The following NOS1AP variants were observed in gnomAD, a reference collection of about 807,000 sequenced individuals.
NOS1AP encodes nitric oxide synthase 1 adaptor protein.
Under a neutral mutation model 56.2 loss-of-function variants are expected in NOS1AP, and 21 were observed. That is an observed-to-expected ratio of 0.37 (90% CI 0.26 to 0.54). NOS1AP has a LOEUF of 0.54. NOS1AP is among the 20% of genes least tolerant of loss of function. The pLI, the probability that NOS1AP is intolerant of heterozygous loss-of-function variation, is 0.84. For missense variants in NOS1AP, 522 were observed against 657.8 expected (o/e 0.79, Z 2.26); for synonymous variants, 270 against 274.6 (o/e 0.98, Z 0.17).
chr1:162,366,912 A>G, intron 9 of NOS1AP, 140 bp from the exon 10 acceptor site: 1 of 925,894 alleles, frequency 1.1e-6, no homozygotes. Context: ...TGAAGTGTTA[A>G]GAGACCCAAA....
At chr1:162,132,889 C>T (rs1648813359) in intron 1 of NOS1AP, among the ~76,000 whole-genome samples, 1 of 152,174 alleles carries the variant, frequency 6.6e-6, no homozygotes, top group Non-Finnish European at 1.5e-5. Flanking sequence ...TGAGATTCTC[C>T]ACTTTGCCTG....
intron 2 of NOS1AP, among the ~76,000 whole-genome samples, chr1:162,258,934 C>A (rs1654119872): frequency 6.6e-6 from 1 of 152,116 alleles, no homozygotes; most frequent in Non-Finnish European, 1.5e-5. Context: ...CTGGTTGGTT[C>A]CATTAGGACC....
intron 1 of NOS1AP, among the ~76,000 whole-genome samples, chr1:162,144,409 C>T (rs7518695): frequency 1 from 151,662 of 152,368 alleles, 75,484 homozygotes; most frequent in Middle Eastern, 1. Flanking sequence ...AAATCACATT[C>T]GAGGTCACTT....
At position 162,251,869 on chromosome 1, in the gene NOS1AP, G is replaced by GTTTTTTTTTTTTTTTT. The variant is rs57313228; in HGVS notation, c.178-35470_178-35455dup. Among the ~76,000 whole-genome samples, 77 of 82,134 alleles carry GTTTTTTTTTTTTTTTT rather than the reference G, an allele frequency of 9.4e-4. 2 individuals carry two copies. Among genetic ancestry groups the GTTTTTTTTTTTTTTTT allele is most frequent in the African/African-American group, 1.3e-3 (27 of 21,528 alleles). The allele number at this position is 82,134 out of a possible 152,430, so 53.9% of individuals were successfully genotyped here. On this transcript the variant is annotated intron_variant, in intron 2 of 9. Coordinates refer to ENST00000361897, the MANE Select transcript of NOS1AP (RefSeq NM_014697.3). ...CACCTAGCTAGTTGTTTTTTTTTTT[G>GTTTTTTTTTTTTTTTT]TTTTTTTTTTTTTTTTTTTTGTGGA... is the stretch of plus-strand genomic sequence containing the variant.
chr1:162,342,760 T>C, intron 5 of NOS1AP: 1 of 373,030 alleles, frequency 2.7e-6, no homozygotes, highest in Non-Finnish European at 5.4e-6. Flanking sequence ...GGGAGGTGGA[T>C]GTGATTGATG....
chr1:162,250,364 T>G (rs1653810017), intron 2 of NOS1AP, among the ~76,000 whole-genome samples: 1 of 152,176 alleles, frequency 6.6e-6, no homozygotes, highest in South Asian at 2.1e-4. Flanking sequence ...TGGAGATAGG[T>G]TAAAAAAGAA....
chr1:162,073,410 G>A (rs1691700963), intron 1 of NOS1AP, among the ~76,000 whole-genome samples: 1 of 152,170 alleles, frequency 6.6e-6, no homozygotes, highest in Admixed American at 6.5e-5. Context: ...AGTGTTCTCA[G>A]GTTGCTGGCC....
At chr1:162,182,368 A>G (rs1051212450) in intron 2 of NOS1AP, among the ~76,000 whole-genome samples, 7 of 152,220 alleles carry the variant, frequency 4.6e-5, no homozygotes, top group Non-Finnish European at 8.8e-5. Context: ...AGTGAGTCAC[A>G]CAAATATTTT....
intron 4 of NOS1AP, among the ~76,000 whole-genome samples, chr1:162,319,838 A>C (rs1309870936): frequency 1.3e-5 from 2 of 152,040 alleles, no homozygotes; most frequent in Middle Eastern, 3.2e-3. Flanking sequence ...CACCTTTGTG[A>C]ACAGTCCTGT....
chr1:162,308,282 T>A (rs1174312953), intron 4 of NOS1AP, among the ~76,000 whole-genome samples: 1 of 152,218 alleles, frequency 6.6e-6, no homozygotes, highest in Non-Finnish European at 1.5e-5. Context: ...CCTCCAGGGC[T>A]TGGATCAGGT....
At chr1:162,355,162 C>G in intron 6 of NOS1AP, 25 bp from the exon 7 acceptor site, 2 of 1,613,142 alleles carry the variant, frequency 1.2e-6, no homozygotes, top group Non-Finnish European at 1.7e-6. Context: ...CATTCTCTTC[C>G]CTCCCTCCCC....
At chr1:162,240,935 A>C (rs1340736563) in intron 2 of NOS1AP, among the ~76,000 whole-genome samples, 1 of 152,198 alleles carries the variant, frequency 6.6e-6, no homozygotes, top group East Asian at 1.9e-4. Context: ...CACTGGAAGC[A>C]GGGCAGTGTG....
intron 1 of NOS1AP, among the ~76,000 whole-genome samples, chr1:162,114,757 G>A (rs974179116): frequency 6.6e-6 from 1 of 152,152 alleles, no homozygotes; most frequent in African/African-American, 2.4e-5. Context: ...CTGCAGCATC[G>A]TGTTCTGTCT....
intron 2 of NOS1AP, among the ~76,000 whole-genome samples, chr1:162,180,916 A>G (rs933915690): frequency 6.6e-6 from 1 of 152,248 alleles, no homozygotes; most frequent in African/African-American, 2.4e-5. Context: ...ATTATTATGC[A>G]GCAAGTAGAA....
chr1:162,227,134 C>CA (rs538542531), intron 2 of NOS1AP, among the ~76,000 whole-genome samples: 23 of 152,302 alleles, frequency 1.5e-4, no homozygotes, highest in Admixed American at 1.4e-3. Context: ...TTAATTCCAA[C>CA]ATTACAGAGT....
intron 1 of NOS1AP, among the ~76,000 whole-genome samples, chr1:162,147,811 T>C (rs1298477226): frequency 6.6e-6 from 1 of 152,192 alleles, no homozygotes; most frequent in Non-Finnish European, 1.5e-5. Context: ...TTTCTAGATG[T>C]TAATGAAAAA....
chr1:162,202,754 G>C (rs913983951), intron 2 of NOS1AP, among the ~76,000 whole-genome samples: 5 of 152,218 alleles, frequency 3.3e-5, no homozygotes, highest in Non-Finnish European at 7.3e-5. Flanking sequence ...TGTTATACCT[G>C]TTTACATTTT....
At chr1:162,339,113 G>T (rs967223323) in intron 5 of NOS1AP, among the ~76,000 whole-genome samples, 3 of 152,150 alleles carry the variant, frequency 2.0e-5, no homozygotes, top group Admixed American at 6.5e-5. Flanking sequence ...TCCCTTTCCA[G>T]CTGTATTTTC....
chr1:162,331,499 A>G (rs1219680758), intron 4 of NOS1AP, among the ~76,000 whole-genome samples: 1 of 152,186 alleles, frequency 6.6e-6, no homozygotes, highest in Non-Finnish European at 1.5e-5. Context: ...TACTATTAGT[A>G]GTCCCATTGT....
Sources: allele counts gnomAD v4.1 joint callset (sites outside exome capture counted in the v4.1 genomes callset), GRCh38; gene constraint gnomAD v4.1.1; transcripts MANE v1.5; gene names NCBI Gene and HGNC (gene_info 2026-07-23, HGNC 2026-07-21).